Variants in GBE1 observed in about 807,000 individuals in gnomAD.
GBE1 encodes the protein 1,4-alpha-glucan-branching enzyme.
GBE1 carries 70 observed loss-of-function variants against 88.8 expected under a neutral mutation model. The ratio of observed to expected loss-of-function variants is 0.79; its 90% confidence interval spans 0.65 to 0.96. GBE1 has a LOEUF of 0.96. Among genes scored for constraint, GBE1 ranks in the 40% least tolerant of loss-of-function variants. The pLI is 0.00. For missense variants in GBE1, 872 were observed against 871.0 expected (o/e 1.00, Z -0.01); for synonymous variants, 284 against 300.1 (o/e 0.95, Z 0.56).
At chr3:81,760,312 T>A (rs1706661516) in intron 1 of GBE1, among the ~76,000 whole-genome samples, 2 of 152,232 alleles carry the variant, frequency 1.3e-5, no homozygotes, top group African/African-American at 4.8e-5. Context: ...TTTGAATGCA[T>A]TTAATACCTG....
At chr3:81,499,416 T>C (rs535402245) in intron 14 of GBE1, among the ~76,000 whole-genome samples, 189 bp from the exon 15 acceptor site, 1 of 152,188 alleles carries the variant, frequency 6.6e-6, no homozygotes, top group Non-Finnish European at 1.5e-5. Context: ...CACACACTCA[T>C]GAGATCCCTG....
intron 7 of GBE1, among the ~76,000 whole-genome samples, chr3:81,594,902 A>G (rs1013958291): frequency 1.3e-5 from 2 of 151,922 alleles, no homozygotes; most frequent in African/African-American, 4.8e-5. Context: ...TACCTCATTT[A>G]GTTTAATGAC....
At chr3:81,619,824 A>G (rs1462914504) in intron 7 of GBE1, among the ~76,000 whole-genome samples, 1 of 152,120 alleles carries the variant, frequency 6.6e-6, no homozygotes, top group East Asian at 1.9e-4. Context: ...TTGACATTTT[A>G]AAATGCATTT....
chr3:81,724,851 G>A (rs1706085886), intron 1 of GBE1, among the ~76,000 whole-genome samples: 1 of 151,986 alleles, frequency 6.6e-6, no homozygotes, highest in Admixed American at 6.6e-5. Flanking sequence ...AGTCTATAAA[G>A]CCAACAACTG....
intron 2 of GBE1, among the ~76,000 whole-genome samples, chr3:81,678,570 T>C (rs900014054): frequency 2.0e-5 from 3 of 152,184 alleles, no homozygotes; most frequent in Admixed American, 6.5e-5. Flanking sequence ...ATTTATACTA[T>C]GATTCTTCTC....
chr3:81,499,675 AATAC>A (rs1224760580), intron 14 of GBE1, among the ~76,000 whole-genome samples: 1 of 152,196 alleles, frequency 6.6e-6, no homozygotes, highest in African/African-American at 2.4e-5. Flanking sequence ...TATATTACTA[AATAC>A]ATACAGTCAG....
intron 1 of GBE1, among the ~76,000 whole-genome samples, chr3:81,719,496 C>T (rs1186843551): frequency 6.6e-6 from 1 of 152,196 alleles, no homozygotes; most frequent in East Asian, 1.9e-4. Context: ...GGATTACAGG[C>T]ATGAGCCACC....
At chr3:81,524,576 G>C (rs974103020) in intron 14 of GBE1, among the ~76,000 whole-genome samples, 2 of 151,632 alleles carry the variant, frequency 1.3e-5, no homozygotes, top group Non-Finnish European at 2.9e-5. Flanking sequence ...ACTTTGATTT[G>C]TTTTTTGTAT....
chr3:81,625,260 T>C (rs938288641), intron 7 of GBE1, among the ~76,000 whole-genome samples: 1 of 152,164 alleles, frequency 6.6e-6, no homozygotes, highest in Non-Finnish European at 1.5e-5. Context: ...GATAGCTTCT[T>C]CTCAGGATAT....
At chr3:81,757,314 G>A (rs888406119) in intron 1 of GBE1, among the ~76,000 whole-genome samples, 2 of 152,166 alleles carry the variant, frequency 1.3e-5, no homozygotes, top group Non-Finnish European at 2.9e-5. Context: ...ATGGGAAGGA[G>A]GCTGTACAGA....
At chr3:81,598,404 C>CAA (rs5850529) in intron 7 of GBE1, among the ~76,000 whole-genome samples, 1 of 151,648 alleles carries the variant, frequency 6.6e-6, no homozygotes, top group Non-Finnish European at 1.5e-5. Context: ...TATAGAATGC[C>CAA]AAAAAAGTCT....
chr3:81,545,586 T>A (rs1183232829), intron 12 of GBE1, among the ~76,000 whole-genome samples: 2 of 149,818 alleles, frequency 1.3e-5, no homozygotes, highest in Non-Finnish European at 3.0e-5. Flanking sequence ...CTGTAAATGG[T>A]ATGTAATTCT....
chr3:81,638,472 T>A (rs1485909300), intron 7 of GBE1, among the ~76,000 whole-genome samples: 2 of 152,162 alleles, frequency 1.3e-5, no homozygotes, highest in Admixed American at 1.3e-4. Flanking sequence ...AAAAGTGCAT[T>A]TATGTAGTGC....
intron 14 of GBE1, among the ~76,000 whole-genome samples, chr3:81,526,354 T>C (rs1217910574): frequency 2.6e-5 from 4 of 151,080 alleles, no homozygotes. Context: ...CAACATAGTG[T>C]TGGAAGTTCT....
intron 3 of GBE1, chr3:81,654,961 T>C (rs1243981178): frequency 6.6e-6 from 1 of 152,202 alleles, no homozygotes; most frequent in Non-Finnish European, 1.5e-5. Context: ...TTGCCAGCTG[T>C]TAATCCTTTA....
intron 7 of GBE1, among the ~76,000 whole-genome samples, chr3:81,594,790 T>C (rs1703934176): frequency 6.6e-6 from 1 of 152,008 alleles, no homozygotes; most frequent in Non-Finnish European, 1.5e-5. Context: ...CAAGTCTGTT[T>C]TGGACAGTTG....
chr3:81,596,289 C>CTT (rs984657593), intron 7 of GBE1, among the ~76,000 whole-genome samples: 1 of 148,048 alleles, frequency 6.8e-6, no homozygotes, highest in Admixed American at 6.8e-5. Flanking sequence ...AGTCAATTTT[C>CTT]TTTTTTTTTT....
chr3:81,508,472 G>T (rs1702683647), intron 14 of GBE1, among the ~76,000 whole-genome samples: 1 of 151,920 alleles, frequency 6.6e-6, no homozygotes, highest in Non-Finnish European at 1.5e-5. Flanking sequence ...AAAAATAACA[G>T]ATTTTTATTC....
intron 2 of GBE1, among the ~76,000 whole-genome samples, chr3:81,671,803 CTG>C (rs1460898935): frequency 1.3e-5 from 2 of 151,916 alleles, no homozygotes; most frequent in African/African-American, 2.4e-5. Context: ...ACTTTTAAGA[CTG>C]ATAATTCTGA....
Sources: allele counts gnomAD v4.1 joint callset (sites outside exome capture counted in the v4.1 genomes callset), GRCh38; gene constraint gnomAD v4.1.1; transcripts MANE v1.5; gene names NCBI Gene and HGNC (gene_info 2026-07-23, HGNC 2026-07-21).